NCOR1: variants seen among roughly 807,000 people sequenced by gnomAD.
NCOR1 encodes nuclear receptor corepressor 1.
In NCOR1, 63 loss-of-function variants were observed where a neutral mutation model predicts 288.1. The observed-to-expected ratio is 0.22, with a 90% CI of 0.18 to 0.27. NCOR1 has a LOEUF of 0.27. Among genes scored for constraint, NCOR1 ranks in the 10% least tolerant of loss-of-function variants. NCOR1 has a pLI of 1.00. For missense variants in NCOR1, 2,397 were observed against 3,019.2 expected, an observed-to-expected ratio of 0.79 and a Z score of 4.83; for synonymous variants, 1,007 against 1,065.9, an observed-to-expected ratio of 0.94 and a Z score of 1.08.
chr17:16,086,554 T>G (rs2152865277), intron 22 of NCOR1, 112 bp from the exon 23 acceptor site: 3 of 933,226 alleles, frequency 3.2e-6, no homozygotes, highest in African/African-American at 3.3e-5. Flanking sequence ...AAATGTAAGA[T>G]GAAACCAACA....
At position 16,047,009 on chromosome 17, in the gene NCOR1, T is replaced by C; in HGVS notation, c.6621A>G (p.Ser2207=). ...KLENTSPMVK[S]KKQEIFRKLN... is the part of the protein sequence containing the mutation. The stretch of plus-strand genomic sequence containing the variant: ...ACTTACGAAAAATCTCCTGCTTCTT[T>C]GATTTAACCATGGGTGATGTATTTT... Residue 2207 remains serine, a synonymous_variant, in exon 42 of 46, where the codon TCA becomes TCG. Coordinates refer to ENST00000268712, the MANE Select transcript of NCOR1 (RefSeq NM_006311.4). 6.2e-7 allele frequency: 1 copy of C among 1,614,132 alleles called. No individual in the cohort carries two copies. Among genetic ancestry groups the C allele is most frequent in the Non-Finnish European group, 8.5e-7 (1 of 1,179,998 alleles).
At chr17:16,108,308 T>C (rs895973566) in intron 19 of NCOR1, 2 of 285,556 alleles carry the variant, frequency 7.0e-6, no homozygotes, top group South Asian at 3.3e-5. Flanking sequence ...TTAGTTTAAA[T>C]GACAAAGATA....
intron 23 of NCOR1, among the ~76,000 whole-genome samples, chr17:16,081,700 G>C (rs2063436403): frequency 6.6e-6 from 1 of 152,180 alleles, no homozygotes; most frequent in Non-Finnish European, 1.5e-5. Context: ...GTGCAGACTT[G>C]TCAAAAACAA....
intron 2 of NCOR1, among the ~76,000 whole-genome samples, chr17:16,189,700 G>GA (rs2087678137): frequency 6.6e-6 from 1 of 151,878 alleles, no homozygotes; most frequent in Admixed American, 6.6e-5. Flanking sequence ...AGGGCTTAAG[G>GA]AAAAAACTGG....
intron 42 of NCOR1, among the ~76,000 whole-genome samples, chr17:16,046,002 G>A (rs1197635559): frequency 1.3e-5 from 2 of 151,996 alleles, no homozygotes; most frequent in Non-Finnish European, 2.9e-5. Context: ...TTGTAGAGAT[G>A]GGGTCTCCCT....
chr17:16,115,666 G>C (rs1187262413), intron 18 of NCOR1, among the ~76,000 whole-genome samples: 1 of 152,148 alleles, frequency 6.6e-6, no homozygotes, highest in Non-Finnish European at 1.5e-5. Context: ...ACTCACCTTT[G>C]CTCCAATTCC....
In NCOR1 at chr17:16,074,062, AG is replaced by A. The variant is rs1478355882; in HGVS notation, c.3671-494del. 9.2e-5 allele frequency among the ~76,000 whole-genome samples: 14 copies of A among 152,336 alleles called. No individual in the cohort carries two copies. In the East Asian group the frequency reaches 2.3e-3, roughly 25 times the overall value. ...GAACACGAAGACCCCAAGGTGAGAC[AG>A]AGAAAGGTACAATAAAAGAACGTAA... On this transcript the variant is annotated intron_variant, in intron 27 of 45. Coordinates refer to ENST00000268712, the MANE Select transcript of NCOR1 (RefSeq NM_006311.4).
chr17:16,141,013 G>GAAAAAAAAAAAAAAAAAAAAAAAAAAA (rs75591454), intron 11 of NCOR1, among the ~76,000 whole-genome samples: 2 of 142,366 alleles, frequency 1.4e-5, no homozygotes, highest in African/African-American at 2.7e-5. Flanking sequence ...AAAAAAAAAG[G>GAAAAAAAAAAAAAAAAAAAAAAAAAAA]AAAATTCACT....
rs572796415 is a variant in NCOR1 at position 16,094,057 on chromosome 17, G to A, written c.2821-1999C>T. Among the ~76,000 whole-genome samples the A allele has an allele frequency of 3.6e-3, 547 of 151,968 alleles. 1 individual carries two copies. The highest frequency in any genetic ancestry group is 4.6e-3 in the Non-Finnish European group (311 of 67,960). On this transcript the variant is annotated intron_variant, in intron 21 of 45. Transcript: ENST00000268712. ...CAACCACAGGCGCATGGCACCATGC[G>A]GAGCTAATTTTTTTTTGTTTTTTTT...
chr17:16,199,340 G>A (rs1840815705), intron 1 of NCOR1, among the ~76,000 whole-genome samples: 1 of 151,792 alleles, frequency 6.6e-6, no homozygotes, highest in African/African-American at 2.4e-5. Flanking sequence ...TGGAGACCAC[G>A]ACAACCTCCT....
At chr17:16,131,350 T>A (rs2075608252) in intron 14 of NCOR1, among the ~76,000 whole-genome samples, 2 of 152,094 alleles carry the variant, frequency 1.3e-5, no homozygotes, top group African/African-American at 4.8e-5. Context: ...CAACATAATT[T>A]AAGAACAGGA....
Position 16,121,094 on chromosome 17 carries a change from T to C in NCOR1, c.1810A>G (p.Thr604Ala). 6.2e-7 allele frequency: 1 copy of C among 1,614,152 alleles called. No homozygotes were observed. The highest frequency in any genetic ancestry group is 8.5e-7 in the Non-Finnish European group (1 of 1,179,996). ...GGCAGAGGTGGTGGGGGCTCTTCAG[T>C]AGCCGCTGCGGCTGCAGCACTGGCA... Reference protein sequence around the residue: ...AAASAAAAAATEEPPPPLPPP... With the variant: ...AAASAAAAAAAEEPPPPLPPP... The change falls in exon 16 of 46, where the codon ACT (threonine) becomes GCT (alanine). Residue 604 changes from threonine (T) to alanine (A), a missense_variant. By Grantham distance (58) the Thr-to-Ala change is moderately conservative (BLOSUM62 0). Around this residue, in one of 11 missense-constraint regions of NCOR1, gnomAD observed 113 missense variants for 139.5 expected, o/e 0.81. Transcript: ENST00000268712.
chr17:16,179,469 G>A (rs1270761448), intron 3 of NCOR1, among the ~76,000 whole-genome samples: 4 of 152,152 alleles, frequency 2.6e-5, no homozygotes, highest in Admixed American at 2.6e-4. Context: ...GGCTGAAGAA[G>A]TAATCAAAAA....
chr17:16,155,828 A>C (rs1006119979), intron 6 of NCOR1, among the ~76,000 whole-genome samples: 1 of 152,172 alleles, frequency 6.6e-6, no homozygotes, highest in Non-Finnish European at 1.5e-5. Flanking sequence ...AAAATGTTAA[A>C]AGAGGCAGGG....
Position 16,061,857 on chromosome 17 carries a change from G to T in NCOR1, c.5425C>A (p.Leu1809Met), listed in dbSNP as rs935467091. ...PAGGPSISQG[L>M]PASRYNTAAD... Reference sequence around the variant, plus strand: ...GCAGTGTTGTAACGGGAGGCTGGCAGGCCTTGGCTTATTGAAGGGCCCCCA... The same window carrying T: ...GCAGTGTTGTAACGGGAGGCTGGCATGCCTTGGCTTATTGAAGGGCCCCCA... Residue 1809 changes from leucine to methionine, a missense_variant, in exon 37 of 46, where the codon CTG (leucine) becomes ATG (methionine). By Grantham distance (15) the Leu-to-Met change is conservative. Around this residue, in one of 11 missense-constraint regions of NCOR1, gnomAD observed 1,872 missense variants for 2,187.8 expected, o/e 0.86. Coordinates refer to ENST00000268712, the MANE Select transcript of NCOR1 (RefSeq NM_006311.4). The T allele has an allele frequency of 6.2e-7, 1 of 1,612,884 alleles. No homozygotes were observed. The highest frequency in any genetic ancestry group is 2.2e-5 in the East Asian group (1 of 44,840).
At chr17:16,163,872 T>C (rs1226524565) in intron 5 of NCOR1, among the ~76,000 whole-genome samples, 2 of 152,140 alleles carry the variant, frequency 1.3e-5, no homozygotes, top group South Asian at 2.1e-4. Flanking sequence ...CAGGACAACA[T>C]GCTAAATAAA....
intron 31 of NCOR1, 108 bp from the exon 32 acceptor site, chr17:16,068,229 C>A: frequency 1.1e-6 from 1 of 884,568 alleles, no homozygotes; most frequent in Non-Finnish European, 1.7e-6. Flanking sequence ...GTATTTGGAT[C>A]TTCTCTTTCC....
At chr17:16,033,750 G>T (rs1973093254) in intron 45 of NCOR1, among the ~76,000 whole-genome samples, 1 of 152,148 alleles carries the variant, frequency 6.6e-6, no homozygotes, top group Non-Finnish European at 1.5e-5. Flanking sequence ...TAAGTATCCT[G>T]GAGTATTGTT....
intron 4 of NCOR1, among the ~76,000 whole-genome samples, chr17:16,166,925 C>T (rs1343336242): frequency 6.6e-6 from 1 of 152,148 alleles, no homozygotes; most frequent in East Asian, 1.9e-4. Flanking sequence ...TTTAAGTCTT[C>T]ATGTGTTGTG....
Sources: allele counts gnomAD v4.1 joint callset (sites outside exome capture counted in the v4.1 genomes callset), GRCh38; gene constraint gnomAD v4.1.1; regional missense constraint gnomAD v4.1.1; transcripts MANE v1.5; gene names NCBI Gene and HGNC (gene_info 2026-07-23, HGNC 2026-07-21).